Variants in RPAP3 observed in about 807,000 individuals in gnomAD.
RPAP3 encodes the protein RNA polymerase II associated protein 3.
A neutral mutation model predicts 88.8 loss-of-function variants in RPAP3; 58 were observed. The ratio of observed to expected loss-of-function variants is 0.65; its 90% CI spans 0.53 to 0.81. The LOEUF is 0.81. Ranked by LOEUF, RPAP3 falls within the 40% of genes least tolerant of loss-of-function variation. RPAP3 has a pLI of 0.00. For missense variants in RPAP3, 751 were observed against 764.3 expected, an observed-to-expected ratio of 0.98 and a Z score of 0.20; for synonymous variants, 255 against 259.9, an observed-to-expected ratio of 0.98 and a Z score of 0.18.
intron 12 of RPAP3, among the ~76,000 whole-genome samples, chr12:47,674,036 A>T (rs911579914): frequency 6.6e-6 from 1 of 150,568 alleles, no homozygotes; most frequent in African/African-American, 2.4e-5. Flanking sequence ...AACGCTGCTA[A>T]ATTTCCCTTA....
chr12:47,698,659 A>G (rs1342602082), intron 3 of RPAP3, among the ~76,000 whole-genome samples: 2 of 152,136 alleles, frequency 1.3e-5, no homozygotes, highest in Non-Finnish European at 2.9e-5. Context: ...GACTATAGGC[A>G]TGCACCACCA....
intron 1 of RPAP3, 30 bp from the exon 2 acceptor site, chr12:47,702,876 T>C (rs202152077): frequency 1.9e-6 from 3 of 1,587,776 alleles, no homozygotes; most frequent in Non-Finnish European, 2.6e-6. Context: ...CAACCTCTGA[T>C]AAGAATAGGC....
At chr12:47,704,491 C>A (rs1939732992) in intron 1 of RPAP3, among the ~76,000 whole-genome samples, 1 of 151,922 alleles carries the variant, frequency 6.6e-6, no homozygotes, top group Non-Finnish European at 1.5e-5. Context: ...GCCTCAGCCT[C>A]CCGAGCAGCT....
At chr12:47,674,324 A>C (rs1044381051) in intron 12 of RPAP3, among the ~76,000 whole-genome samples, 1 of 152,148 alleles carries the variant, frequency 6.6e-6, no homozygotes, top group African/African-American at 2.4e-5. Flanking sequence ...AATTCTAAAA[A>C]TCAGAGCACC....
chr12:47,668,896 A>G lies in RPAP3; in HGVS notation c.1713+20T>C. 1 of 1,580,560 alleles carries G rather than the reference A, an allele frequency of 6.3e-7. No individual in the cohort carries two copies. Among genetic ancestry groups the G allele is most frequent in the Non-Finnish European group, 8.7e-7 (1 of 1,149,634 alleles). ...CTGACCTTTTACTTACAACAGAAGT[A>G]CTACCTTCCTCTCTCTTACCTTTAA... On this transcript the variant is annotated intron_variant, in intron 14 of 16. Coordinates refer to ENST00000005386, the MANE Select transcript of RPAP3 (RefSeq NM_024604.3).
At chr12:47,676,779 C>A (rs996887405) in intron 12 of RPAP3, among the ~76,000 whole-genome samples, 1 of 152,096 alleles carries the variant, frequency 6.6e-6, no homozygotes, top group African/African-American at 2.4e-5. Flanking sequence ...AGTCCAGGAC[C>A]AGACGGATTC....
chr12:47,690,518 C>T lies in RPAP3; in HGVS notation c.667G>A (p.Asp223Asn), dbSNP rs752138258. Residue 223 changes from aspartate (D) to asparagine (N), a missense_variant and splice_region_variant, in exon 6 of 17, where the codon GAT becomes AAT. Transcript: ENST00000005386. ...ALQKLEEAKK[D>N]YERVLELEPN... ...TCTTTAGAGAGTGACTAGAAAATAC[C>T]TTTTTTGGCCTCTTCTAATTTTTGC... 1.9e-6 allele frequency: 3 copies of T among 1,592,760 alleles called. No individual in the cohort carries two copies. In the African/African-American group the frequency reaches 4.0e-5, roughly 21 times the overall value.
chr12:47,677,092 G>A (rs182756623), intron 12 of RPAP3, among the ~76,000 whole-genome samples: 11 of 152,224 alleles, frequency 7.2e-5, no homozygotes, highest in Non-Finnish European at 7.4e-5. Context: ...TTCAATATAT[G>A]CAAATCAATA....
At chr12:47,697,490 TA>T in intron 4 of RPAP3, 106 bp downstream of exon 4, 2 of 1,056,608 alleles carry the variant, frequency 1.9e-6, no homozygotes, top group Non-Finnish European at 1.3e-6. Context: ...AAAAACAACA[TA>T]AAGTTTAAAC....
Position 47,690,829 on chromosome 12 carries a change from T to G in RPAP3, c.546-190A>C, listed in dbSNP as rs541616365. Among the ~76,000 whole-genome samples, 8 of 152,332 alleles carry G rather than the reference T, an allele frequency of 5.3e-5. No individual in the cohort carries two copies. The South Asian group carries it at 1.7e-3, about 32-fold the overall frequency. On this transcript the variant is annotated intron_variant, in intron 5 of 16. Transcript: ENST00000005386. ...CCATTGCTCAAAGATATTGTGGGTT[T>G]GATTCTAGACCACCACAAGAAAGTA...
intron 12 of RPAP3, among the ~76,000 whole-genome samples, chr12:47,672,479 G>A (rs1253181253): frequency 6.6e-6 from 1 of 152,196 alleles, no homozygotes; most frequent in Non-Finnish European, 1.5e-5. Flanking sequence ...TAATCTGTGA[G>A]TTATTCTCAA....
At chr12:47,685,636 G>A (rs1424003314) in intron 9 of RPAP3, among the ~76,000 whole-genome samples, 4 of 152,168 alleles carry the variant, frequency 2.6e-5, no homozygotes, top group East Asian at 1.9e-4. Flanking sequence ...AATCATCTAC[G>A]TTGCTTCAGG....
intron 8 of RPAP3, among the ~76,000 whole-genome samples, chr12:47,687,555 T>C (rs932642591): frequency 1.3e-5 from 2 of 152,154 alleles, no homozygotes; most frequent in African/African-American, 4.8e-5. Context: ...TGTGAATTAA[T>C]GAAAAAAGTA....
At chr12:47,701,310 C>G in intron 3 of RPAP3, 154 bp downstream of exon 3, 3 of 474,856 alleles carry the variant, frequency 6.3e-6, no homozygotes, top group Non-Finnish European at 1.1e-5. Context: ...AACTAAAGAG[C>G]TATGTCATTA....
intron 12 of RPAP3, among the ~76,000 whole-genome samples, chr12:47,671,708 A>T (rs902502986): frequency 6.6e-6 from 1 of 152,196 alleles, no homozygotes; most frequent in African/African-American, 2.4e-5. Context: ...TGTGTATTAA[A>T]CCCTATCCTT....
intron 12 of RPAP3, among the ~76,000 whole-genome samples, chr12:47,678,390 T>C (rs1389093148): frequency 6.6e-6 from 1 of 152,300 alleles, no homozygotes; most frequent in Non-Finnish European, 1.5e-5. Flanking sequence ...AAAGCCATAA[T>C]AGACAAATGG....
At chr12:47,678,230 C>A (rs1239072859) in intron 12 of RPAP3, among the ~76,000 whole-genome samples, 1 of 152,112 alleles carries the variant, frequency 6.6e-6, no homozygotes, top group Non-Finnish European at 1.5e-5. Flanking sequence ...CTTCCTTACA[C>A]CTTATACAAA....
intron 10 of RPAP3, 89 bp from the exon 11 acceptor site, chr12:47,679,863 A>AATAT (rs1939189116): frequency 9.8e-6 from 9 of 918,768 alleles, no homozygotes; most frequent in Non-Finnish European, 1.4e-5. Context: ...TTCAGTTAGT[A>AATAT]ATCACATTTT....
intron 16 of RPAP3, among the ~76,000 whole-genome samples, chr12:47,666,037 A>C (rs1473196131): frequency 2.0e-5 from 3 of 152,360 alleles, no homozygotes; most frequent in Non-Finnish European, 4.4e-5. Flanking sequence ...AAGATAAAGA[A>C]GAAATAAAAG....
Sources: allele counts gnomAD v4.1 joint callset (sites outside exome capture counted in the v4.1 genomes callset), GRCh38; gene constraint gnomAD v4.1.1; transcripts MANE v1.5; gene names NCBI Gene and HGNC (gene_info 2026-07-23, HGNC 2026-07-21).